HLCS: variants seen among roughly 807,000 people sequenced by gnomAD.
HLCS encodes holocarboxylase synthetase.
Under a neutral mutation model 75.0 loss-of-function variants are expected in HLCS, and 53 were observed. The observed-to-expected ratio is 0.71, with a 90% CI of 0.57 to 0.89. The LOEUF (loss-of-function observed/expected upper bound fraction) is 0.89, where lower values mean the gene tolerates loss of function less well. Ranked by LOEUF, HLCS falls within the 40% of genes least tolerant of loss-of-function variation. HLCS has a pLI of 0.00. For missense variants in HLCS, 966 were observed against 1,074.0 expected, an observed-to-expected ratio of 0.90 and a Z score of 1.41; for synonymous variants, 431 against 428.6, an observed-to-expected ratio of 1.01 and a Z score of -0.07.
chr21:36,785,857 T>C (rs746494850), intron 6 of HLCS, among the ~76,000 whole-genome samples: 3 of 152,208 alleles, frequency 2.0e-5, no homozygotes, highest in Non-Finnish European at 2.9e-5. Flanking sequence ...TATGAGTCTT[T>C]GGAAAATACT....
At chr21:36,807,168 G>C (rs114732475) in intron 6 of HLCS, among the ~76,000 whole-genome samples, 1 of 152,134 alleles carries the variant, frequency 6.6e-6, no homozygotes, top group African/African-American at 2.4e-5. Context: ...CAGTAGGTCC[G>C]ACCCACCTGC....
intron 6 of HLCS, among the ~76,000 whole-genome samples, chr21:36,888,659 G>A (rs2064635591): frequency 6.6e-6 from 1 of 151,342 alleles, no homozygotes; most frequent in South Asian, 2.1e-4. Flanking sequence ...TAAAAGGCTG[G>A]TTGGTGGAGG....
At chr21:36,988,888 A>G (rs1465445908) in intron 1 of HLCS, among the ~76,000 whole-genome samples, 1 of 151,906 alleles carries the variant, frequency 6.6e-6, no homozygotes, top group African/African-American at 2.4e-5. Context: ...GCTTCCCTCA[A>G]TGTTTGAGTT....
chr21:36,813,828 C>T (rs1408294323), intron 6 of HLCS, among the ~76,000 whole-genome samples: 3 of 152,156 alleles, frequency 2.0e-5, no homozygotes, highest in Admixed American at 2.0e-4. Context: ...ATACCTTCAC[C>T]TAATGAGGCC....
rs117946903 is a variant in HLCS at position 36,784,212 on chromosome 21, T to G, written c.1893-16927A>C. Among the ~76,000 whole-genome samples the G allele has an allele frequency of 4.1e-4, 62 of 152,044 alleles. 1 individual carries two copies. The East Asian group carries it at 0.011, about 27-fold the overall frequency. On this transcript the variant is annotated intron_variant, in intron 6 of 10. Transcript: ENST00000674895. ...GTGGCCTGGTGAGATCAGAGAACAG[T>G]CAACCAGGTTTGCCTGGCTCAGAGG...
chr21:36,777,285 G>T (rs148959803), intron 6 of HLCS, among the ~76,000 whole-genome samples: 2 of 152,122 alleles, frequency 1.3e-5, no homozygotes, highest in Non-Finnish European at 2.9e-5. Flanking sequence ...GGCAACCACC[G>T]GTATTTTTAC....
intron 5 of HLCS, among the ~76,000 whole-genome samples, chr21:36,918,470 A>G (rs1601737912): frequency 6.6e-6 from 1 of 152,224 alleles, no homozygotes; most frequent in Non-Finnish European, 1.5e-5. Flanking sequence ...CTGTCAGAGA[A>G]CAATCTGGAA....
chr21:36,759,384 T>C lies in HLCS; in HGVS notation c.2236+343A>G, dbSNP rs559293297. On this transcript the variant is annotated intron_variant, in intron 9 of 10. Transcript: ENST00000674895. ...GAATGCAAGACACCAGGAGAACTATTTAGGAAATTAACTTTTCTTTTTCTT... is the reference window on the plus strand; with the variant it reads ...GAATGCAAGACACCAGGAGAACTATCTAGGAAATTAACTTTTCTTTTTCTT... Among the ~76,000 whole-genome samples, 38 of 152,326 alleles carry C rather than the reference T, an allele frequency of 2.5e-4. No homozygotes were observed. In the South Asian group the frequency reaches 7.9e-3, roughly 32 times the overall value.
chr21:36,882,628 T>C, intron 6 of HLCS, among the ~76,000 whole-genome samples: 1 of 147,838 alleles, frequency 6.8e-6, no homozygotes, highest in East Asian at 2.0e-4. Flanking sequence ...TTCTTTTTTT[T>C]TTTTTTTTTT....
chr21:36,784,975 G>C (rs2145852713), intron 6 of HLCS, among the ~76,000 whole-genome samples: 2 of 152,264 alleles, frequency 1.3e-5, no homozygotes, highest in South Asian at 2.1e-4. Flanking sequence ...GGCAAACAAA[G>C]GAACCTGAAG....
intron 2 of HLCS, among the ~76,000 whole-genome samples, chr21:36,939,307 G>T (rs1250424132): frequency 6.6e-6 from 1 of 152,184 alleles, no homozygotes; most frequent in Non-Finnish European, 1.5e-5. Context: ...ACACCATGCT[G>T]CCCTTTAAAA....
At chr21:36,919,202 G>C (rs1226247346) in intron 5 of HLCS, among the ~76,000 whole-genome samples, 1 of 152,074 alleles carries the variant, frequency 6.6e-6, no homozygotes. Context: ...AGAGTGATGA[G>C]TACAGAAGAA....
chr21:36,766,390 C>G (rs1247528119), intron 7 of HLCS, among the ~76,000 whole-genome samples: 2 of 150,374 alleles, frequency 1.3e-5, no homozygotes, highest in Non-Finnish European at 2.9e-5. Context: ...CATCAAAGTT[C>G]TTCTTGAATG....
intron 6 of HLCS, among the ~76,000 whole-genome samples, chr21:36,768,215 TTTC>T (rs2090111276): frequency 6.6e-6 from 1 of 152,226 alleles, no homozygotes; most frequent in South Asian, 2.1e-4. Context: ...CTTTGATTTT[TTTC>T]TTTTCTTTTC....
chr21:36,854,763 C>A (rs887604975), intron 6 of HLCS, among the ~76,000 whole-genome samples: 1 of 152,108 alleles, frequency 6.6e-6, no homozygotes, highest in Non-Finnish European at 1.5e-5. Flanking sequence ...CAAGGTCAGC[C>A]CTGGACAACA....
At chr21:36,985,047 C>A (rs766683585) in intron 1 of HLCS, among the ~76,000 whole-genome samples, 1 of 152,114 alleles carries the variant, frequency 6.6e-6, no homozygotes, top group Non-Finnish European at 1.5e-5. Flanking sequence ...TGACCCTTCA[C>A]CCTAGTACTT....
In HLCS at chr21:36,962,054, T is replaced by G; in HGVS notation, c.312A>C (p.Arg104Ser). Residue 104 changes from arginine to serine, a missense_variant, in exon 2 of 11, where the codon AGA becomes AGC. Coordinates refer to ENST00000674895, the MANE Select transcript of HLCS (RefSeq NM_001352514.2). ...TACTCACTGTTTCTGAAGAGGATGA[T>G]CTCTGTAAATTCTCACTTTGTACCC... ...SIWVQSENLQ[R>S]SSSSETIVKW... The G allele has an allele frequency of 7.8e-7, 1 of 1,289,444 alleles. No individual in the cohort carries two copies. The highest frequency in any genetic ancestry group is 1.2e-5 in the South Asian group (1 of 81,020). The allele number at this position is 1,289,444 out of a possible 1,614,324, so 79.9% of individuals were successfully genotyped here.
At chr21:36,893,839 G>A (rs1026263877) in intron 6 of HLCS, among the ~76,000 whole-genome samples, 1 of 152,208 alleles carries the variant, frequency 6.6e-6, no homozygotes, top group African/African-American at 2.4e-5. Flanking sequence ...AAAAAATAAT[G>A]TATGAGATTC....
upstream of HLCS, chr21:36,968,421 C>T (rs186119198): frequency 1.3e-5 from 2 of 152,092 alleles, no homozygotes; most frequent in East Asian, 1.9e-4. Context: ...TTGCATATAG[C>T]GATAGATTTT....
Sources: gnomAD v4.1 joint callset for allele counts (sites outside exome capture counted in the v4.1 genomes callset) on GRCh38, gnomAD v4.1.1 for gene constraint, MANE v1.5 for transcripts, NCBI Gene and HGNC (gene_info 2026-07-23, HGNC 2026-07-21) for gene names.